The following ACACA variants were observed in gnomAD, a reference collection of about 807,000 sequenced individuals.
ACACA encodes acetyl-CoA carboxylase 1.
In ACACA, 103 loss-of-function variants were observed where a neutral mutation model predicts 296.1. The observed-to-expected ratio is 0.35, with a 90% CI of 0.30 to 0.41. The LOEUF is 0.41. Ranked by LOEUF, ACACA falls within the 10% of genes least tolerant of loss-of-function variation. The probability of loss-of-function intolerance (pLI) is 1.00; values close to 1 mark genes in which losing one functional copy is unlikely to be tolerated. For missense variants in ACACA, 1,554 were observed against 2,989.7 expected (o/e 0.52, Z 11.20); for synonymous variants, 953 against 1,038.6 (o/e 0.92, Z 1.58).
intron 11 of ACACA, 127 bp from the exon 12 acceptor site, chr17:37,259,657 G>C (rs998515816): frequency 1.9e-5 from 18 of 949,896 alleles, no homozygotes; most frequent in Non-Finnish European, 2.9e-5. Context: ...CCACATGAGA[G>C]CACATTTCTG....
chr17:37,154,650 C>T (rs2144234743), intron 43 of ACACA, among the ~76,000 whole-genome samples: 1 of 152,170 alleles, frequency 6.6e-6, no homozygotes, highest in Admixed American at 6.5e-5. Context: ...GCATGTGCCA[C>T]CAGGCCCGGC....
intron 3 of ACACA, among the ~76,000 whole-genome samples, chr17:37,304,903 C>A (rs1203531816): frequency 6.6e-6 from 1 of 152,032 alleles, no homozygotes; most frequent in Non-Finnish European, 1.5e-5. Context: ...CGAAACCAGC[C>A]TGGGCAACAT....
chr17:37,122,567 G>A lies in ACACA; in HGVS notation c.6102C>T (p.Ile2034=). The change falls in exon 49 of 56, where the codon ATC becomes ATT. Residue 2034 remains isoleucine, a synonymous_variant. Transcript: ENST00000616317. ...AVETRTVELS[I]PADPANLDSE... ...AATCCAGGTTTGCTGGATCAGCTGG[G>A]ATACTTAGTTCTACTGTTCGGGTTT... 6.2e-7 allele frequency: 1 copy of A among 1,614,180 alleles called. No individual in the cohort carries two copies. The highest frequency in any genetic ancestry group is 1.7e-4 in the Middle Eastern group (1 of 6,060).
chr17:37,149,998 T>C (rs990358432), intron 44 of ACACA, 24 bp from the exon 45 acceptor site: 3 of 1,599,322 alleles, frequency 1.9e-6, no homozygotes, highest in Admixed American at 1.7e-5. Flanking sequence ...AAATTCTACA[T>C]GTCACATATT....
intron 14 of ACACA, among the ~76,000 whole-genome samples, chr17:37,257,407 C>T (rs2081273747): frequency 6.6e-6 from 1 of 152,074 alleles, no homozygotes; most frequent in South Asian, 2.1e-4. Flanking sequence ...CAATACTGTT[C>T]CTGTGGAAAA....
chr17:37,172,266 G>C lies in ACACA; in HGVS notation c.5079+6994C>G, dbSNP rs555932628. Among the ~76,000 whole-genome samples the C allele has an allele frequency of 1.1e-4, 16 of 152,226 alleles. No individual in the cohort carries two copies. The South Asian group carries it at 3.3e-3, about 32-fold the overall frequency. ...TTTAGTGAGCCAGTGGATGCATTAG[G>C]ATTTTCAAAGTCAATCAAGGTTACT... On this transcript the variant is annotated intron_variant, in intron 41 of 55. Transcript: ENST00000616317.
At chr17:37,372,258 A>T (rs182860142) in intron 1 of ACACA, among the ~76,000 whole-genome samples, 4 of 151,426 alleles carry the variant, frequency 2.6e-5, no homozygotes, top group Admixed American at 6.6e-5. Flanking sequence ...CTAAAAATAC[A>T]AAAAATTAGC....
At chr17:37,172,568 A>C (rs1352969247) in intron 41 of ACACA, among the ~76,000 whole-genome samples, 2 of 152,196 alleles carry the variant, frequency 1.3e-5, no homozygotes, top group Non-Finnish European at 2.9e-5. Flanking sequence ...TGGGAATAAA[A>C]GAACAAAAAC....
intron 11 of ACACA, 104 bp from the exon 12 acceptor site, chr17:37,259,634 C>G (rs569637000): frequency 3.1e-6 from 4 of 1,306,154 alleles, no homozygotes; most frequent in African/African-American, 2.9e-5. Context: ...TAAGAGCCAT[C>G]AAAAGCTTTT....
chr17:37,209,960 T>C (rs2078675332), intron 30 of ACACA, among the ~76,000 whole-genome samples: 1 of 152,202 alleles, frequency 6.6e-6, no homozygotes, highest in African/African-American at 2.4e-5. Flanking sequence ...AAATAAAAAC[T>C]GACTATCATA....
chr17:37,220,208 AT>A (rs2079219662), intron 29 of ACACA, among the ~76,000 whole-genome samples: 1 of 152,202 alleles, frequency 6.6e-6, no homozygotes, highest in Non-Finnish European at 1.5e-5. Flanking sequence ...GTCAAGAAGA[AT>A]TTCTCTCATT....
intron 54 of ACACA, among the ~76,000 whole-genome samples, chr17:37,091,362 A>T (rs118046893): frequency 6.6e-6 from 1 of 152,362 alleles, no homozygotes; most frequent in East Asian, 1.9e-4. Flanking sequence ...CTGGATGACA[A>T]TGACCGCCAA....
intron 29 of ACACA, among the ~76,000 whole-genome samples, chr17:37,217,260 CAAAA>C (rs34419580): frequency 2.4e-5 from 1 of 42,524 alleles, no homozygotes; most frequent in African/African-American, 8.2e-5. Context: ...AACTCTATCT[CAAAA>C]AAAAAAAAAA....
chr17:37,382,864 A>C (rs905186754), intron 1 of ACACA, among the ~76,000 whole-genome samples: 7 of 152,026 alleles, frequency 4.6e-5, no homozygotes, highest in African/African-American at 9.7e-5. Flanking sequence ...GTCTCAAAAA[A>C]CAAAACAAAA....
chr17:37,173,944 G>T (rs2076969883), intron 41 of ACACA, among the ~76,000 whole-genome samples: 1 of 128,642 alleles, frequency 7.8e-6, no homozygotes, highest in South Asian at 2.5e-4. Context: ...CTCCTGAGTA[G>T]CTGGGATTAC....
At chr17:37,349,440 TAGATA>T (rs904133141) in intron 1 of ACACA, among the ~76,000 whole-genome samples, 15 of 147,928 alleles carry the variant, frequency 1.0e-4, no homozygotes, top group African/African-American at 2.5e-4. Context: ...ATCTTACATA[TAGATA>T]AGATATATCT....
rs373024366 is a variant in ACACA, at chr17:37,097,198, T to A, written c.6721-32A>T. On this transcript the variant is annotated intron_variant, in intron 53 of 55. Coordinates refer to ENST00000616317, the MANE Select transcript of ACACA (RefSeq NM_198834.3). This position sits in a 1 kb window ranked among gnomAD's most constrained non-coding sequence, Gnocchi z 4.8. Reference sequence around the variant, plus strand: ...GCAGAGAAGAATAAACTTAGCCCAGTCCTAATTCCTGCTTAATGCTCAGTC... The same window carrying A: ...GCAGAGAAGAATAAACTTAGCCCAGACCTAATTCCTGCTTAATGCTCAGTC... 2 of 1,607,628 alleles carry A rather than the reference T, an allele frequency of 1.2e-6. No homozygotes were observed. The highest frequency in any genetic ancestry group is 1.7e-6 in the Non-Finnish European group (2 of 1,178,668).
intron 41 of ACACA, among the ~76,000 whole-genome samples, chr17:37,177,388 C>G (rs2077159735): frequency 6.6e-6 from 1 of 151,954 alleles, no homozygotes; most frequent in East Asian, 1.9e-4. Context: ...CCAGGCAGCT[C>G]TGTGCTTGTA....
At chr17:37,156,359 G>T (rs189186836) in intron 42 of ACACA, among the ~76,000 whole-genome samples, 3 of 151,984 alleles carry the variant, frequency 2.0e-5, no homozygotes, top group African/African-American at 7.2e-5. Flanking sequence ...CACTGCTCCC[G>T]GCCTCATTTC....
Sources: gnomAD v4.1 joint callset for allele counts (sites outside exome capture counted in the v4.1 genomes callset) on GRCh38, gnomAD v4.1.1 for gene constraint, Gnocchi (gnomAD v3.1) non-coding constraint, MANE v1.5 for transcripts, NCBI Gene and HGNC (gene_info 2026-07-23, HGNC 2026-07-21) for gene names.